Variants in TANGO2 observed in about 807,000 individuals in gnomAD.
The protein encoded by TANGO2 is transport and Golgi organization protein 2 homolog.
In TANGO2, 26 loss-of-function variants were observed where a neutral mutation model predicts 39.1. The observed-to-expected ratio is 0.67, with a 90% CI of 0.49 to 0.92. TANGO2 has a LOEUF of 0.92. TANGO2 is among the 40% of genes least tolerant of loss of function. The probability of loss-of-function intolerance (pLI) is 0.00; values close to 1 mark genes in which losing one functional copy is unlikely to be tolerated. For missense variants in TANGO2, 326 were observed against 360.1 expected (o/e 0.91, Z 0.77); for synonymous variants, 131 against 144.5 (o/e 0.91, Z 0.67).
intron 3 of TANGO2, chr22:20,048,469 T>G (rs944459209): frequency 6.6e-6 from 1 of 152,216 alleles, no homozygotes; most frequent in Non-Finnish European, 1.5e-5. Flanking sequence ...GAGTTTTATT[T>G]ATTTATTTAT....
intron 8 of TANGO2, chr22:20,063,666 A>G (rs1355895564): frequency 6.1e-6 from 3 of 493,986 alleles, no homozygotes; most frequent in Non-Finnish European, 1.1e-5. Flanking sequence ...ACAGCCACAC[A>G]GGGCCAGGAT....
In TANGO2 at chr22:20,032,627, C is replaced by G. The variant is rs572301092; in HGVS notation, c.-39-4133C>G. ...GGTTGGGCTTGGCCCAAGTGCTGAG[C>G]CCAGGGCAGGGGTGGGGACAGGCAG... On this transcript the variant is annotated intron_variant, in intron 1 of 8. Coordinates refer to ENST00000327374, the MANE Select transcript of TANGO2 (RefSeq NM_152906.7). Among the ~76,000 whole-genome samples the G allele has an allele frequency of 2.6e-5, 4 of 152,366 alleles. No individual in the cohort carries two copies. The South Asian group carries it at 8.3e-4, about 32-fold the overall frequency.
chr22:20,059,850 A>G (rs1454258406), intron 6 of TANGO2, among the ~76,000 whole-genome samples: 1 of 151,892 alleles, frequency 6.6e-6, no homozygotes, highest in Non-Finnish European at 1.5e-5. Flanking sequence ...TTTCTTATCT[A>G]AGAAACCATT....
At chr22:20,018,235 G>A (rs1039712721), upstream of TANGO2, among the ~76,000 whole-genome samples, 6 of 152,220 alleles carry the variant, frequency 3.9e-5, no homozygotes, top group Non-Finnish European at 7.3e-5. Flanking sequence ...GGCACTTGAC[G>A]TGCCAATTGG....
chr22:20,037,057 C>T, intron 2 of TANGO2: 1 of 1,545,100 alleles, frequency 6.5e-7, no homozygotes, highest in Non-Finnish European at 8.7e-7. Context: ...AGTCAATGTA[C>T]AAAGACGTGA....
chr22:20,064,479 G>A, intron 8 of TANGO2, 63 bp from the exon 9 acceptor site: 1 of 1,603,062 alleles, frequency 6.2e-7, no homozygotes, highest in Non-Finnish European at 8.5e-7. Context: ...CCTATTTGTG[G>A]CTGTGACAGG....
At chr22:20,017,860 A>C (rs1945309410), upstream of TANGO2, among the ~76,000 whole-genome samples, 1 of 152,072 alleles carries the variant, frequency 6.6e-6, no homozygotes, top group Non-Finnish European at 1.5e-5. Flanking sequence ...AGGTCCTGAG[A>C]TGACTTCTTA....
At chr22:20,031,925 C>A (rs535024179) in intron 1 of TANGO2, among the ~76,000 whole-genome samples, 14 of 152,348 alleles carry the variant, frequency 9.2e-5, no homozygotes, top group East Asian at 1.9e-4. Context: ...CAGCATCCCA[C>A]GTGTGCCTGC....
rs2047255097 is a variant in TANGO2, at chr22:20,055,979, C to T, written c.417C>T (p.Asn139=). 6.2e-7 allele frequency: 1 copy of T among 1,614,144 alleles called. No individual in the cohort carries two copies. ...AKGDVICYYG[N]RGEPDPIVLT... is the part of the protein sequence containing the mutation. ...GAGACGTCATTTGCTACTATGGGAA[C>T]CGAGGGGAGCCTGATCCTATCGTTT... The change falls in exon 6 of 9, where the codon AAC becomes AAT. Residue 139 remains asparagine, a synonymous_variant. Coordinates refer to ENST00000327374, the MANE Select transcript of TANGO2 (RefSeq NM_152906.7).
At position 20,065,345 on chromosome 22, in the gene TANGO2, CT is replaced by C. The variant is rs948564335; in HGVS notation, c.*697del. 252 of 144,056 alleles carry C rather than the reference CT, an allele frequency of 1.7e-3. 1 individual carries two copies. Among genetic ancestry groups the C allele is most frequent in the Middle Eastern group, 3.8e-3 (1 of 264 alleles). 8.9% of individuals were successfully genotyped at this position (144,056 alleles called of 1,614,324 possible). ...AAGACCTGAGAAAAACCCACTCTCTCTTTTTTTTTTTTTTGAGACGGAGTCT... is the reference window on the plus strand; with the variant it reads ...AAGACCTGAGAAAAACCCACTCTCTCTTTTTTTTTTTTTGAGACGGAGTCT... On this transcript the variant is annotated 3_prime_UTR_variant, in exon 9 of 9. Coordinates refer to ENST00000327374, the MANE Select transcript of TANGO2 (RefSeq NM_152906.7).
intron 4 of TANGO2, among the ~76,000 whole-genome samples, chr22:20,053,176 T>G (rs2046713086): frequency 6.6e-6 from 1 of 151,852 alleles, no homozygotes; most frequent in Non-Finnish European, 1.5e-5. Flanking sequence ...CTGAAAGGTG[T>G]TGTTTACTTC....
At position 20,036,727 on chromosome 22, in the gene TANGO2, TC is replaced by T. The variant is rs1292607454; in HGVS notation, c.-39-31del. 8 of 1,591,628 alleles carry T rather than the reference TC, an allele frequency of 5.0e-6. No homozygotes were observed. In the African/African-American group the frequency reaches 9.4e-5, roughly 19 times the overall value. On this transcript the variant is annotated intron_variant, in intron 1 of 8. Transcript: ENST00000327374. ...GGAGGGCAGCCCTGAGTGTCTGCCA[TC>T]CGCTCAACTCAGTGTTTTCCTTTTC...
Position 20,061,628 on chromosome 22 carries a change from C to T in TANGO2, c.550C>T (p.Leu184=), listed in dbSNP as rs775269314. The change falls in exon 7 of 9, where the codon CTG becomes TTG. Residue 184 remains leucine, a synonymous_variant. Transcript: ENST00000327374. ...GGAGGCTGTGGAACGGAGCCAGGCG[C>T]TGCCCAAGGATGTGCTCATCGCCAG... ...FLEAVERSQA[L]PKDVLIASLL... is the part of the protein sequence containing the mutation. 4 of 1,571,324 alleles carry T rather than the reference C, an allele frequency of 2.5e-6. No individual in the cohort carries two copies. In the East Asian group the frequency reaches 6.9e-5, roughly 27 times the overall value.
At chr22:20,023,341 G>A (rs150819597) in intron 1 of TANGO2, among the ~76,000 whole-genome samples, 1 of 152,194 alleles carries the variant, frequency 6.6e-6, no homozygotes, top group Non-Finnish European at 1.5e-5. Context: ...GGGCCGCTGC[G>A]AGGCTGGCCT....
At chr22:20,063,570 C>A in intron 8 of TANGO2, 128 bp downstream of exon 8, 2 of 868,942 alleles carry the variant, frequency 2.3e-6, no homozygotes, top group Non-Finnish European at 3.5e-6. Context: ...GATTCCAGAG[C>A]TTCTGCCCTG....
At chr22:20,039,687 G>C (rs1167967936) in intron 2 of TANGO2, among the ~76,000 whole-genome samples, 1 of 151,956 alleles carries the variant, frequency 6.6e-6, no homozygotes, top group Non-Finnish European at 1.5e-5. Context: ...GATGCCACTT[G>C]CTGGCTTCAG....
At chr22:20,060,630 T>A (rs1289767347) in intron 6 of TANGO2, among the ~76,000 whole-genome samples, 1 of 152,150 alleles carries the variant, frequency 6.6e-6, no homozygotes, top group Admixed American at 6.5e-5. Flanking sequence ...GACTATGCAG[T>A]TCAATGGTCT....
At chr22:20,045,251 C>T (rs943571581) in intron 3 of TANGO2, among the ~76,000 whole-genome samples, 4 of 143,630 alleles carry the variant, frequency 2.8e-5, no homozygotes, top group South Asian at 2.2e-4. Context: ...GCCTGGGCAA[C>T]GTAGTGAGTC....
intron 2 of TANGO2, among the ~76,000 whole-genome samples, chr22:20,038,329 C>T (rs947474382): frequency 4.6e-5 from 7 of 152,212 alleles, no homozygotes; most frequent in Admixed American, 3.3e-4. Context: ...TGCTTAGTTA[C>T]GGCAGCCCCA....
Sources: gnomAD v4.1 joint callset for allele counts (sites outside exome capture counted in the v4.1 genomes callset) on GRCh38, gnomAD v4.1.1 for gene constraint, MANE v1.5 for transcripts, NCBI Gene and HGNC (gene_info 2026-07-23, HGNC 2026-07-21) for gene names.